The following FGD5 variants were observed in gnomAD, a reference collection of about 807,000 sequenced individuals.
The protein encoded by FGD5 is FYVE, RhoGEF and PH domain-containing protein 5.
A neutral mutation model predicts 133.4 loss-of-function variants in FGD5; 28 were observed. That is an observed-to-expected ratio of 0.21 (90% CI 0.16 to 0.29). The LOEUF (loss-of-function observed/expected upper bound fraction) is 0.29. FGD5 is among the 10% of genes least tolerant of loss of function. The pLI is 1.00. For missense variants in FGD5, 1,858 were observed against 1,895.2 expected, an observed-to-expected ratio of 0.98 and a Z score of 0.36; for synonymous variants, 810 against 776.5, an observed-to-expected ratio of 1.04 and a Z score of -0.72.
chr3:14,844,355 T>TC (rs2037003758), intron 1 of FGD5, among the ~76,000 whole-genome samples: 1 of 141,812 alleles, frequency 7.1e-6, no homozygotes, highest in East Asian at 2.1e-4. Flanking sequence ...TGTAACAGAC[T>TC]CCCCCAGGCA....
At chr3:14,859,259 A>T (rs781472081) in intron 1 of FGD5, among the ~76,000 whole-genome samples, 1 of 152,184 alleles carries the variant, frequency 6.6e-6, no homozygotes, top group Non-Finnish European at 1.5e-5. Flanking sequence ...AAGACATTTG[A>T]AAGTTACTGT....
At chr3:14,925,098 CT>C (rs1559508873) in intron 17 of FGD5, among the ~76,000 whole-genome samples, 1 of 31,170 alleles carries the variant, frequency 3.2e-5, no homozygotes. Flanking sequence ...AAGACTCTGT[CT>C]CAAAAAAAAA....
At chr3:14,903,894 G>T (rs2038290094) in intron 9 of FGD5, among the ~76,000 whole-genome samples, 1 of 152,132 alleles carries the variant, frequency 6.6e-6, no homozygotes, top group South Asian at 2.1e-4. Flanking sequence ...CTTGACTGCA[G>T]TAGTTTCTCA....
chr3:14,832,895 C>T (rs1202313902), intron 1 of FGD5, among the ~76,000 whole-genome samples: 1 of 152,174 alleles, frequency 6.6e-6, no homozygotes, highest in African/African-American at 2.4e-5. Flanking sequence ...ACGGCACACA[C>T]TATTGCAGTA....
rs17038795 is a variant in FGD5, at chr3:14,821,553, G to A, written c.2482G>A (p.Ala828Thr). The change falls in exon 1 of 20, where the codon GCC (alanine) becomes ACC (threonine). Residue 828 changes from alanine (A) to threonine (T), a missense_variant. This residue lies in a region of FGD5 where 1,824 missense variants were observed against 1,848.9 expected (regional missense o/e 0.99). Transcript: ENST00000285046. Reference protein sequence around the residue: ...DGYVDMSSFNAFESKQQSADQ... With the variant: ...DGYVDMSSFNTFESKQQSADQ... ...CTACGTGGACATGAGCAGCTTCAAC[G>A]CCTTTGAGAGCAAACAGCAGAGTGC... 5,275 of 1,612,134 alleles carry A rather than the reference G, an allele frequency of 3.3e-3. 76 individuals carry two copies. The African/African-American group carries it at 0.04, about 12-fold the overall frequency.
intron 1 of FGD5, among the ~76,000 whole-genome samples, chr3:14,811,761 C>A (rs1042924559): frequency 3.3e-5 from 5 of 152,180 alleles, no homozygotes; most frequent in Admixed American, 6.5e-5. Flanking sequence ...GGATTCCCAA[C>A]GCCATCTAAG....
At chr3:14,866,164 C>T (rs2037489830) in intron 2 of FGD5, among the ~76,000 whole-genome samples, 1 of 152,184 alleles carries the variant, frequency 6.6e-6, no homozygotes, top group African/African-American at 2.4e-5. Context: ...GGACCCCCCA[C>T]ATCTCTTCTT....
chr3:14,860,509 T>C (rs2037377129), intron 1 of FGD5, among the ~76,000 whole-genome samples: 1 of 152,024 alleles, frequency 6.6e-6, no homozygotes, highest in South Asian at 2.1e-4. Context: ...GATAAAGAAG[T>C]AGAATAAGAG....
Position 14,901,264 on chromosome 3 carries a change from T to G in FGD5, c.3264+203T>G, listed in dbSNP as rs144992695. ...GTGTGCCCCTCTCTGCGCCTCCAGT[T>G]CACTGTTCAAACAATGAGAGGAATG... On this transcript the variant is annotated intron_variant, in intron 9 of 19. Transcript: ENST00000285046. Among the ~76,000 whole-genome samples, 123 of 152,304 alleles carry G rather than the reference T, an allele frequency of 8.1e-4. No homozygotes were observed. In the East Asian group the frequency reaches 0.022, roughly 27 times the overall value.
chr3:14,849,232 C>G (rs1417030346), intron 1 of FGD5, among the ~76,000 whole-genome samples: 1 of 152,214 alleles, frequency 6.6e-6, no homozygotes, highest in Non-Finnish European at 1.5e-5. Context: ...CGCTCCTGTT[C>G]ATGTGCGTCA....
chr3:14,886,508 G>C (rs1194053876), intron 4 of FGD5, among the ~76,000 whole-genome samples: 3 of 152,206 alleles, frequency 2.0e-5, no homozygotes, highest in African/African-American at 7.2e-5. Context: ...GGCAGCAGCA[G>C]GTGCCATGGC....
At chr3:14,839,961 CAAACAG>C (rs2036887403) in intron 1 of FGD5, among the ~76,000 whole-genome samples, 2 of 151,180 alleles carry the variant, frequency 1.3e-5, no homozygotes, top group Admixed American at 6.6e-5. Flanking sequence ...AACAAACAAA[CAAACAG>C]TGTTTTACAA....
At chr3:14,911,595 A>G (rs2038450217) in intron 11 of FGD5, among the ~76,000 whole-genome samples, 1 of 151,830 alleles carries the variant, frequency 6.6e-6, no homozygotes, top group South Asian at 2.1e-4. Context: ...GCAGTGGGAG[A>G]GACAGGCTGT....
chr3:14,916,579 C>T (rs1286955494), intron 11 of FGD5, among the ~76,000 whole-genome samples: 2 of 152,198 alleles, frequency 1.3e-5, no homozygotes, highest in Admixed American at 6.5e-5. Context: ...TAGTGAAATG[C>T]ATCAACCTTA....
chr3:14,868,915 G>A (rs1385769788), intron 2 of FGD5, among the ~76,000 whole-genome samples: 2 of 152,180 alleles, frequency 1.3e-5, no homozygotes, highest in African/African-American at 4.8e-5. Flanking sequence ...TGCCTGCCCT[G>A]TTGGAGTTTC....
chr3:14,911,993 A>G (rs1030171196), intron 11 of FGD5, among the ~76,000 whole-genome samples: 3 of 151,986 alleles, frequency 2.0e-5, no homozygotes, highest in Non-Finnish European at 4.4e-5. Context: ...AGGGCATTTC[A>G]GGAGAGGTAA....
chr3:14,852,658 G>A (rs1168287045), intron 1 of FGD5, among the ~76,000 whole-genome samples: 3 of 152,364 alleles, frequency 2.0e-5, no homozygotes, highest in African/African-American at 4.8e-5. Context: ...TTTAAGAGGA[G>A]GGGTGGGGAT....
chr3:14,818,836 G>A (rs529630733), upstream of FGD5: 3 of 1,098,364 alleles, frequency 2.7e-6, no homozygotes, highest in Non-Finnish European at 3.6e-6. Context: ...CACGGGAGGT[G>A]GGCTTCACAT....
At chr3:14,908,989 CTTTT>C (rs1350204703) in intron 10 of FGD5, among the ~76,000 whole-genome samples, 1 of 150,426 alleles carries the variant, frequency 6.6e-6, no homozygotes, top group African/African-American at 2.5e-5. Context: ...TTCATTCATT[CTTTT>C]GAGCTGGAGT....
Sources: gnomAD v4.1 joint callset for allele counts (sites outside exome capture counted in the v4.1 genomes callset) on GRCh38, gnomAD v4.1.1 for gene constraint, gnomAD v4.1.1 regional missense constraint, MANE v1.5 for transcripts, NCBI Gene and HGNC (gene_info 2026-07-23, HGNC 2026-07-21) for gene names.